The following C1orf141 variants were observed in gnomAD, a reference collection of about 807,000 sequenced individuals.
The protein encoded by C1orf141 is chromosome 1 open reading frame 141.
C1orf141 carries 19 observed loss-of-function variants against 23.2 expected under a neutral mutation model. The observed-to-expected ratio is 0.82, with a 90% confidence interval of 0.57 to 1.20. The LOEUF (loss-of-function observed/expected upper bound fraction) is 1.20. C1orf141 is among the 50% of genes most tolerant of loss of function. The pLI, the probability that C1orf141 is intolerant of heterozygous loss-of-function variation, is 0.00. For missense variants in C1orf141, 469 were observed against 455.1 expected (o/e 1.03, Z -0.28); for synonymous variants, 153 against 154.6 (o/e 0.99, Z 0.08).
chr1:67,094,413 T>C (rs1424634881), intron 7 of C1orf141: 1 of 152,248 alleles, frequency 6.6e-6, no homozygotes, highest in Non-Finnish European at 1.5e-5. Flanking sequence ...TCAGCTTCTT[T>C]GCGGTTAGGA....
At chr1:67,118,604 T>A (rs1395606952) in intron 4 of C1orf141, among the ~76,000 whole-genome samples, 2 of 152,180 alleles carry the variant, frequency 1.3e-5, no homozygotes, top group African/African-American at 4.8e-5. Context: ...GGGGACTGAA[T>A]GTTTGTATCC....
intron 5 of C1orf141, among the ~76,000 whole-genome samples, chr1:67,100,231 G>C (rs1414688110): frequency 6.6e-6 from 1 of 152,036 alleles, no homozygotes; most frequent in East Asian, 1.9e-4. Flanking sequence ...GGTTATCTCA[G>C]TGTTGGATAC....
At chr1:67,127,307 T>C (rs1646433915) in intron 2 of C1orf141, 50 bp from the exon 3 acceptor site, 1 of 1,049,088 alleles carries the variant, frequency 9.5e-7, no homozygotes, top group Admixed American at 2.0e-5. Context: ...AATTTAAACA[T>C]AAAACTAGGC....
At chr1:67,104,817 A>G (rs1645883931) in intron 5 of C1orf141, among the ~76,000 whole-genome samples, 1 of 152,194 alleles carries the variant, frequency 6.6e-6, no homozygotes, top group Non-Finnish European at 1.5e-5. Flanking sequence ...AATACCAATC[A>G]ACACTAGACT....
chr1:67,130,294 A>G (rs1646493640), intron 2 of C1orf141, among the ~76,000 whole-genome samples: 1 of 152,228 alleles, frequency 6.6e-6, no homozygotes, highest in Non-Finnish European at 1.5e-5. Context: ...TCTATTTTTC[A>G]GCAAGACACA....
chr1:67,099,388 T>A (rs1645751101), intron 5 of C1orf141, among the ~76,000 whole-genome samples: 1 of 152,104 alleles, frequency 6.6e-6, no homozygotes, highest in African/African-American at 2.4e-5. Context: ...GACAGCAAAA[T>A]AAAGGCACTT....
intron 5 of C1orf141, among the ~76,000 whole-genome samples, chr1:67,110,749 T>C (rs1393708535): frequency 6.6e-6 from 1 of 151,790 alleles, no homozygotes; most frequent in Non-Finnish European, 1.5e-5. Context: ...CTTGGGGGAC[T>C]TTTATTAACC....
At chr1:67,132,885 TTTG>T in intron 1 of C1orf141, among the ~76,000 whole-genome samples, 1 of 152,348 alleles carries the variant, frequency 6.6e-6, no homozygotes, top group East Asian at 1.9e-4. Flanking sequence ...GTGACAGTTT[TTTG>T]TTGTTGTTTG....
chr1:67,108,914 T>G (rs1645998095), intron 5 of C1orf141, among the ~76,000 whole-genome samples: 1 of 152,096 alleles, frequency 6.6e-6, no homozygotes, highest in South Asian at 2.1e-4. Flanking sequence ...GGCCATAATT[T>G]AAAAATTTTT....
At chr1:67,095,443 G>A (rs774822584) in intron 6 of C1orf141, 22 bp from the exon 7 acceptor site, 34 of 1,405,410 alleles carry the variant, frequency 2.4e-5, no homozygotes, top group Non-Finnish European at 3.8e-6. Context: ...CACAGTTCAG[G>A]GTAGTGTTCA....
chr1:67,114,320 G>A (rs763074331), intron 5 of C1orf141, among the ~76,000 whole-genome samples: 5 of 151,724 alleles, frequency 3.3e-5, no homozygotes, highest in African/African-American at 7.3e-5. Context: ...CTGGAGTAAC[G>A]TATCATCACC....
At chr1:67,105,556 T>G (rs150873753) in intron 5 of C1orf141, among the ~76,000 whole-genome samples, 2 of 151,958 alleles carry the variant, frequency 1.3e-5, no homozygotes, top group East Asian at 1.9e-4. Flanking sequence ...CGTAGCTGAG[T>G]AATCCTCTAT....
chr1:67,121,602 T>C (rs1646300133), intron 4 of C1orf141: 1 of 150,796 alleles, frequency 6.6e-6, no homozygotes, highest in Non-Finnish European at 1.5e-5. Context: ...AATTAGGAAG[T>C]GATGAGTTTT....
At chr1:67,117,601 A>G (rs1320534332) in intron 4 of C1orf141, among the ~76,000 whole-genome samples, 1 of 152,184 alleles carries the variant, frequency 6.6e-6, no homozygotes, top group Non-Finnish European at 1.5e-5. Context: ...TCTTATTAAT[A>G]TCATTGGGGA....
chr1:67,107,484 G>A (rs1166420811), intron 5 of C1orf141, among the ~76,000 whole-genome samples: 1 of 152,168 alleles, frequency 6.6e-6, no homozygotes, highest in African/African-American at 2.4e-5. Context: ...AGTATATGCT[G>A]TATATAAAAA....
chr1:67,120,729 G>A (rs995688458), intron 4 of C1orf141, among the ~76,000 whole-genome samples: 1 of 152,130 alleles, frequency 6.6e-6, no homozygotes, highest in East Asian at 1.9e-4. Flanking sequence ...GGACTTCCTA[G>A]CCTTTAGAAC....
chr1:67,115,879 T>A (rs148609893), intron 4 of C1orf141, among the ~76,000 whole-genome samples: 2 of 152,304 alleles, frequency 1.3e-5, no homozygotes, highest in South Asian at 2.1e-4. Flanking sequence ...AGACAAATTA[T>A]CCTCCTCTAA....
intron 5 of C1orf141, chr1:67,102,855 GT>G (rs926126169): frequency 1.9e-4 from 28 of 149,176 alleles, no homozygotes; most frequent in Non-Finnish European, 3.0e-4. Context: ...TGGACTTCTT[GT>G]TTTTTTTTTA....
intron 5 of C1orf141, chr1:67,103,238 C>G (rs915060512): frequency 7.1e-7 from 1 of 1,401,810 alleles, no homozygotes; most frequent in Non-Finnish European, 9.5e-7. Context: ...ATTTGTATAC[C>G]TGTAAATAAA....
Sources: allele counts gnomAD v4.1 joint callset (sites outside exome capture counted in the v4.1 genomes callset), GRCh38; gene constraint gnomAD v4.1.1; transcripts MANE v1.5; gene names NCBI Gene and HGNC (gene_info 2026-07-23, HGNC 2026-07-21).